Variants in HGD observed in about 807,000 individuals in gnomAD.
HGD encodes homogentisate oxidase.
In HGD, 61 loss-of-function variants were observed where a neutral mutation model predicts 60.8. That is an observed-to-expected ratio of 1.00 (90% confidence interval 0.82 to 1.24). HGD has a LOEUF of 1.24. Among genes scored for constraint, HGD ranks in the 50% most tolerant of loss-of-function variants. The pLI is 0.00. For missense variants in HGD, 542 were observed against 547.1 expected (o/e 0.99, Z 0.09); for synonymous variants, 212 against 187.7 (o/e 1.13, Z -1.06).
intron 5 of HGD, among the ~76,000 whole-genome samples, chr3:120,651,806 C>T (rs989275600): frequency 6.6e-6 from 1 of 152,172 alleles, no homozygotes; most frequent in Non-Finnish European, 1.5e-5. Flanking sequence ...AACTACCAAA[C>T]AGAGCTTCCA....
chr3:120,637,324 A>G (rs1940816507), intron 12 of HGD, among the ~76,000 whole-genome samples: 1 of 149,018 alleles, frequency 6.7e-6, no homozygotes, highest in Admixed American at 6.7e-5. Flanking sequence ...AAAAAAAAAA[A>G]GCGGGGGGGA....
rs141531266 is a variant in HGD at position 120,637,385 on chromosome 3, T to C, written c.1006+1070A>G. ...GTATTATAAACACTTCATGAGTTAG[T>C]TTTTTAAAAAACTTGTAACAGAGCC... is the stretch of plus-strand genomic sequence containing the variant. On this transcript the variant is annotated intron_variant, in intron 12 of 13. Transcript: ENST00000283871. Among the ~76,000 whole-genome samples, 889 of 151,596 alleles carry C rather than the reference T, an allele frequency of 5.9e-3. 6 individuals are homozygous for C. Among genetic ancestry groups the C allele is most frequent in the South Asian group, 0.014 (65 of 4,788 alleles).
chr3:120,633,005 C>A (rs61799339), intron 13 of HGD, 142 bp downstream of exon 13: 85,546 of 731,768 alleles, frequency 0.12, 5,829 homozygotes, highest in East Asian at 0.22. Flanking sequence ...AGTATATATA[C>A]ATGTAAACAT....
chr3:120,682,210 C>G lies in HGD; in HGVS notation c.-99G>C, dbSNP rs955040231. 5.1e-6 allele frequency: 6 copies of G among 1,175,054 alleles called. No homozygotes were observed. In the African/African-American group the frequency reaches 9.0e-5, roughly 18 times the overall value. 72.8% of individuals were successfully genotyped at this position (1,175,054 alleles called of 1,614,324 possible). A position where few individuals can be genotyped will look rare whatever the true frequency, so the allele number is the denominator to read the frequency against. ...TCCTTCAAACCACTCTTTGGATATT[C>G]CGGTTCCCACTGCTTCACTGCGCTT... On this transcript the variant is annotated 5_prime_UTR_variant, in exon 1 of 14. Coordinates refer to ENST00000283871, the MANE Select transcript of HGD (RefSeq NM_000187.4).
chr3:120,653,443 A>G (rs905560874), intron 4 of HGD, among the ~76,000 whole-genome samples: 2 of 152,108 alleles, frequency 1.3e-5, no homozygotes, highest in African/African-American at 4.8e-5. Flanking sequence ...GACTAGCTCC[A>G]CTGGCTGCAG....
intron 4 of HGD, among the ~76,000 whole-genome samples, chr3:120,666,681 C>T (rs1707906744): frequency 6.6e-6 from 1 of 151,940 alleles, no homozygotes; most frequent in Non-Finnish European, 1.5e-5. Flanking sequence ...GGTGTTTCTC[C>T]ATGTTGGTCA....
chr3:120,656,719 T>C (rs1351255315), intron 4 of HGD, among the ~76,000 whole-genome samples: 1 of 152,008 alleles, frequency 6.6e-6, no homozygotes, highest in African/African-American at 2.4e-5. Flanking sequence ...GCCCGGGTAG[T>C]TTTTGTATTT....
rs120074174 is a variant in HGD at position 120,641,660 on chromosome 3, C to T, written c.808G>A (p.Gly270Arg). Reference protein sequence around the residue: ...VSPFNVVAWHGNYTPYKYNLK... With the variant: ...VSPFNVVAWHRNYTPYKYNLK... ...TTGTACTTGTAGGGTGTATAATTCC[C>T]GTGCCAGGCCACAACATTGAACGGG... The change falls in exon 11 of 14, where the codon GGG becomes AGG. Residue 270 changes from glycine (G) to arginine (R), a missense_variant. Gly to Arg is a moderately radical substitution (Grantham distance 125). Around this residue, in one of 2 missense-constraint regions of HGD, gnomAD observed 537 missense variants for 529.1 expected, o/e 1.01. Coordinates refer to ENST00000283871, the MANE Select transcript of HGD (RefSeq NM_000187.4). 3.2e-5 allele frequency: 51 copies of T among 1,613,766 alleles called. No homozygotes were observed. Among genetic ancestry groups the T allele is most frequent in the South Asian group, 2.2e-4 (20 of 91,082 alleles).
At chr3:120,645,856 A>T (rs1427500320) in intron 9 of HGD, among the ~76,000 whole-genome samples, 5 of 152,214 alleles carry the variant, frequency 3.3e-5, no homozygotes. Flanking sequence ...ATTCTCACTT[A>T]TATGCTTTTG....
intron 11 of HGD, 33 bp from the exon 12 acceptor site, chr3:120,638,614 A>G (rs772928879): frequency 6.2e-7 from 1 of 1,613,024 alleles, no homozygotes; most frequent in East Asian, 2.2e-5. Context: ...TGAACGCATG[A>G]TGCAAGGGAA....
intron 6 of HGD, among the ~76,000 whole-genome samples, chr3:120,649,330 A>C (rs1055987172): frequency 2.6e-5 from 4 of 151,094 alleles, no homozygotes; most frequent in Non-Finnish European, 5.9e-5. Context: ...TTTTTAGTAG[A>C]GATGGGGTTT....
intron 8 of HGD, 99 bp downstream of exon 8, chr3:120,646,874 T>A (rs1248022453): frequency 2.0e-6 from 2 of 998,466 alleles, no homozygotes; most frequent in Non-Finnish European, 3.2e-6. Context: ...TGCCCAGACA[T>A]GACAGAGAAA....
intron 1 of HGD, among the ~76,000 whole-genome samples, chr3:120,679,152 C>T (rs972570531): frequency 6.6e-6 from 1 of 152,190 alleles, no homozygotes; most frequent in African/African-American, 2.4e-5. Context: ...AGCTCTTTGG[C>T]AGCTTATGAG....
At chr3:120,664,819 G>T (rs1212170491) in intron 4 of HGD, among the ~76,000 whole-genome samples, 1 of 152,178 alleles carries the variant, frequency 6.6e-6, no homozygotes, top group Admixed American at 6.5e-5. Flanking sequence ...GAAAGGACTG[G>T]AAAGAACCCA....
chr3:120,669,050 C>T (rs1236092610), intron 4 of HGD, among the ~76,000 whole-genome samples: 1 of 152,020 alleles, frequency 6.6e-6, no homozygotes, highest in Non-Finnish European at 1.5e-5. Flanking sequence ...AGAGAAAACG[C>T]CCACTATTAC....
At chr3:120,669,032 C>T (rs1443560707) in intron 4 of HGD, among the ~76,000 whole-genome samples, 5 of 151,934 alleles carry the variant, frequency 3.3e-5, no homozygotes, top group African/African-American at 4.8e-5. Context: ...TAAGTAATAA[C>T]GATAATTAGA....
rs138944292 is a variant in HGD, at chr3:120,640,016, G to C, written c.880-1435C>G. On this transcript the variant is annotated intron_variant, in intron 11 of 13. Coordinates refer to ENST00000283871, the MANE Select transcript of HGD (RefSeq NM_000187.4). ...CCTGCTTCTTTAGCATTAATTGTGG[G>C]GTGGGGGTTGGGCAGCTAATTCTAC... 8.5e-3 allele frequency among the ~76,000 whole-genome samples: 1,293 copies of C among 151,960 alleles called. 19 individuals carry two copies. Among genetic ancestry groups the C allele is most frequent in the African/African-American group, 0.03 (1,228 of 41,410 alleles).
intron 4 of HGD, among the ~76,000 whole-genome samples, chr3:120,661,072 G>A (rs1707752433): frequency 6.6e-6 from 1 of 152,112 alleles, no homozygotes; most frequent in African/African-American, 2.4e-5. Flanking sequence ...TGAAAAAACT[G>A]ATGGTTTAGA....
At chr3:120,628,636 A>G in intron 13 of HGD, 107 bp from the exon 14 acceptor site, 1 of 1,298,842 alleles carries the variant, frequency 7.7e-7, no homozygotes. Flanking sequence ...TTCCAATAAC[A>G]AATCAAAGAT....
Sources: allele counts gnomAD v4.1 joint callset (sites outside exome capture counted in the v4.1 genomes callset), GRCh38; gene constraint gnomAD v4.1.1; regional missense constraint gnomAD v4.1.1; transcripts MANE v1.5; gene names NCBI Gene and HGNC (gene_info 2026-07-23, HGNC 2026-07-21).